Variants in BTRC observed in about 807,000 individuals in gnomAD.
The protein encoded by BTRC is F-box/WD repeat-containing protein 1A.
BTRC carries 42 observed loss-of-function variants against 85.5 expected under a neutral mutation model. The ratio of observed to expected loss-of-function variants is 0.49; its 90% CI spans 0.38 to 0.64. BTRC has a LOEUF of 0.64. BTRC is among the 30% of genes least tolerant of loss of function. The pLI, the probability that BTRC is intolerant of heterozygous loss-of-function variation, is 0.00. For missense variants in BTRC, 594 were observed against 743.5 expected, an observed-to-expected ratio of 0.80 and a Z score of 2.34; for synonymous variants, 255 against 263.3, an observed-to-expected ratio of 0.97 and a Z score of 0.30.
At position 101,552,057 on chromosome 10, in the gene BTRC, T is replaced by C. The variant is rs1022762602; in HGVS notation, c.*32-1098T>C. ...AAATTTTCTCTTCCTTAGACTTCCG[T>C]GTTACTTTGCCATTTTTAATATTCT... On this transcript the variant is annotated intron_variant, in intron 14 of 14. Coordinates refer to ENST00000370187, the MANE Select transcript of BTRC (RefSeq NM_033637.4). 2.6e-5 allele frequency among the ~76,000 whole-genome samples: 4 copies of C among 152,126 alleles called. No homozygotes were observed. The East Asian group carries it at 7.7e-4, about 29-fold the overall frequency.
intron 4 of BTRC, among the ~76,000 whole-genome samples, chr10:101,485,266 A>G (rs957686187): frequency 6.6e-6 from 1 of 152,260 alleles, no homozygotes; most frequent in African/African-American, 2.4e-5. Context: ...TTGCTTGTGC[A>G]GTCTTCTTGC....
chr10:101,440,499 T>C (rs1369975249), intron 2 of BTRC, among the ~76,000 whole-genome samples: 1 of 152,092 alleles, frequency 6.6e-6, no homozygotes, highest in East Asian at 1.9e-4. Flanking sequence ...GGTGGGTGGA[T>C]CACTTGAGCT....
At chr10:101,436,625 A>AATAGATAG (rs113369211) in intron 2 of BTRC, among the ~76,000 whole-genome samples, 28,926 of 146,796 alleles carry the variant, frequency 0.2, 2,930 homozygotes, top group East Asian at 0.25. Flanking sequence ...AATTAAAAAA[A>AATAGATAG]ATAGATAGAT....
intron 1 of BTRC, among the ~76,000 whole-genome samples, chr10:101,379,280 C>T (rs187637727): frequency 2.0e-5 from 3 of 152,250 alleles, no homozygotes; most frequent in Non-Finnish European, 1.5e-5. Flanking sequence ...CACATATGCA[C>T]CTCATCAATA....
intron 13 of BTRC, among the ~76,000 whole-genome samples, chr10:101,549,869 T>A (rs1187983546): frequency 6.6e-6 from 1 of 152,084 alleles, no homozygotes; most frequent in Non-Finnish European, 1.5e-5. Flanking sequence ...AACAGGCTCA[T>A]ACTCACTTAT....
intron 10 of BTRC, 23 bp from the exon 11 acceptor site, chr10:101,535,331 C>G: frequency 1.9e-6 from 3 of 1,576,336 alleles, no homozygotes; most frequent in Non-Finnish European, 2.6e-6. Flanking sequence ...AAATCAACTG[C>G]TCAATGCCAT....
At position 101,372,586 on chromosome 10, in the gene BTRC, C is replaced by T. The variant is rs563036077; in HGVS notation, c.48+18358C>T. On this transcript the variant is annotated intron_variant, in intron 1 of 14. Transcript: ENST00000370187. ...TCATGTGTATTAGAATCAGCTAGGCCGGTTGCGGTGGCTCACACCTGTAAT... is the reference window on the plus strand; with the variant it reads ...TCATGTGTATTAGAATCAGCTAGGCTGGTTGCGGTGGCTCACACCTGTAAT... Among the ~76,000 whole-genome samples, 11 of 146,304 alleles carry T rather than the reference C, an allele frequency of 7.5e-5. No homozygotes were observed. The East Asian group carries it at 1.1e-3, about 15-fold the overall frequency.
rs892130428 is a variant in BTRC at position 101,532,806 on chromosome 10, G to A, written c.979-146G>A. 56 of 662,944 alleles carry A rather than the reference G, an allele frequency of 8.4e-5. 1 individual carries two copies. Among genetic ancestry groups the A allele is most frequent in the Non-Finnish European group, 1.3e-4 (50 of 375,728 alleles). The allele number at this position is 662,944 out of a possible 1,614,324, so 41.1% of individuals were successfully genotyped here. A position where few individuals can be genotyped will look rare whatever the true frequency, so the allele number is the denominator to read the frequency against. On this transcript the variant is annotated intron_variant, in intron 8 of 14. Transcript: ENST00000370187. ...TGTGTGTGTGCGCGTGTGCGCGCGC[G>A]CGCGCTTAGCTATACCTATAGAAAA... is the stretch of plus-strand genomic sequence containing the variant.
At chr10:101,421,010 G>A (rs1294752724) in intron 1 of BTRC, among the ~76,000 whole-genome samples, 1 of 148,728 alleles carries the variant, frequency 6.7e-6, no homozygotes, top group African/African-American at 2.5e-5. Context: ...CTAGATAGAG[G>A]TTTACTATCA....
intron 1 of BTRC, among the ~76,000 whole-genome samples, chr10:101,384,830 TC>T (rs570583536): frequency 2.1e-3 from 326 of 152,250 alleles, no homozygotes; most frequent in Non-Finnish European, 3.5e-3. Flanking sequence ...GATAGGAAGA[TC>T]AACTGAGGAC....
chr10:101,435,763 A>G (rs1944512319), intron 2 of BTRC, among the ~76,000 whole-genome samples: 1 of 152,190 alleles, frequency 6.6e-6, no homozygotes, highest in Admixed American at 6.5e-5. Flanking sequence ...ACTTTAAAAG[A>G]GACAGTGAAG....
At chr10:101,511,379 C>T (rs2061951059) in intron 4 of BTRC, among the ~76,000 whole-genome samples, 1 of 152,096 alleles carries the variant, frequency 6.6e-6, no homozygotes, top group Non-Finnish European at 1.5e-5. Context: ...TTGACCACTC[C>T]AGTTAAAGTA....
chr10:101,391,473 A>G (rs1175504328), intron 1 of BTRC, among the ~76,000 whole-genome samples: 1 of 152,218 alleles, frequency 6.6e-6, no homozygotes, highest in African/African-American at 2.4e-5. Context: ...GTTACAACAA[A>G]TACCAAATGG....
In BTRC at chr10:101,531,239, G is replaced by A. The variant is rs201756663; in HGVS notation, c.746G>A (p.Gly249Glu). The change falls in exon 7 of 15, where the codon GGA (glycine) becomes GAA (glutamate). Residue 249 changes from glycine (G) to glutamate (E), a missense_variant and splice_region_variant. This residue lies in a region of BTRC where 373 missense variants were observed against 503.6 expected (regional missense o/e 0.74). Transcript: ENST00000370187. ...WRGLAERRGW[G>E]QYLFKNKPPD... ...GGGAAATATTTGTTATTTTTTAGGG[G>A]ACAGTATTTATTCAAAAACAAACCT... The A allele has an allele frequency of 3.8e-6, 6 of 1,585,648 alleles. No homozygotes were observed. Among genetic ancestry groups the A allele is most frequent in the Admixed American group, 3.4e-5 (2 of 59,556 alleles).
Position 101,390,993 on chromosome 10 carries a change from A to G in BTRC, c.48+36765A>G, listed in dbSNP as rs147694760. Reference sequence around the variant, plus strand: ...ATACAAATGGTTCTTTATCAAATTTAGAAATTTTACTCTTGATAATTAAAG... The same window carrying G: ...ATACAAATGGTTCTTTATCAAATTTGGAAATTTTACTCTTGATAATTAAAG... On this transcript the variant is annotated intron_variant, in intron 1 of 14. Transcript: ENST00000370187. Among the ~76,000 whole-genome samples, 520 of 152,358 alleles carry G rather than the reference A, an allele frequency of 3.4e-3. 3 individuals carry two copies. The highest frequency in any genetic ancestry group is 0.012 in the African/African-American group (500 of 41,588).
intron 2 of BTRC, among the ~76,000 whole-genome samples, chr10:101,450,373 A>G (rs1420088415): frequency 6.6e-6 from 1 of 152,202 alleles, no homozygotes. Flanking sequence ...TTGTATTGTG[A>G]TATTTTCGGT....
intron 1 of BTRC, among the ~76,000 whole-genome samples, chr10:101,380,565 G>A (rs139248641): frequency 1.6e-3 from 246 of 152,148 alleles, no homozygotes; most frequent in African/African-American, 5.6e-3. Flanking sequence ...ACAGGGCAGC[G>A]GCTATTAAGA....
intron 4 of BTRC, among the ~76,000 whole-genome samples, chr10:101,486,161 C>G (rs1028904700): frequency 6.6e-6 from 1 of 152,116 alleles, no homozygotes; most frequent in Non-Finnish European, 1.5e-5. Context: ...GGCAGGAGTC[C>G]TACTTGCCTA....
intron 1 of BTRC, among the ~76,000 whole-genome samples, chr10:101,426,432 T>G (rs1174412231): frequency 6.6e-6 from 1 of 152,246 alleles, no homozygotes; most frequent in Non-Finnish European, 1.5e-5. Flanking sequence ...TAATGCTATT[T>G]TGGAAATCAC....
Sources: gnomAD v4.1 joint callset for allele counts (sites outside exome capture counted in the v4.1 genomes callset) on GRCh38, gnomAD v4.1.1 for gene constraint, gnomAD v4.1.1 regional missense constraint, MANE v1.5 for transcripts, NCBI Gene and HGNC (gene_info 2026-07-23, HGNC 2026-07-21) for gene names.